The following GDI2 variants were observed in gnomAD, a reference collection of about 807,000 sequenced individuals.
GDI2 encodes the protein rab GDP dissociation inhibitor beta.
GDI2 carries 22 observed loss-of-function variants against 54.2 expected under a neutral mutation model. The ratio of observed to expected loss-of-function variants is 0.41; its 90% CI spans 0.29 to 0.58. GDI2 has a LOEUF of 0.58. Among genes scored for constraint, GDI2 ranks in the 20% least tolerant of loss-of-function variants. The probability of loss-of-function intolerance (pLI) is 0.35; values close to 1 mark genes in which losing one functional copy is unlikely to be tolerated. For synonymous variants in GDI2, 177 were observed against 182.1 expected (o/e 0.97, Z 0.23); for missense variants, 422 against 546.0 (o/e 0.77, Z 2.26).
In GDI2 at chr10:5,768,238, T is replaced by C; in HGVS notation, c.966A>G (p.Pro322=). Residue 322 remains proline (P), a synonymous_variant, in exon 8 of 11, where the codon CCA becomes CCG. Coordinates refer to ENST00000380191, the MANE Select transcript of GDI2 (RefSeq NM_001494.4). The surrounding 1 kb of genome is among the most constrained non-coding windows in gnomAD (Gnocchi z 4.4). ...CTGACTTTCGATTGACTTGGTTCTGTGGAATAATGATCTGGCAGGAGTTGG... is the reference window on the plus strand; with the variant it reads ...CTGACTTTCGATTGACTTGGTTCTGCGGAATAATGATCTGGCAGGAGTTGG... ...NDANSCQIII[P]QNQVNRKSDI... is the part of the protein sequence containing the mutation. 4 of 1,613,470 alleles carry C rather than the reference T, an allele frequency of 2.5e-6. No individual in the cohort carries two copies. The highest frequency in any genetic ancestry group is 2.5e-6 in the Non-Finnish European group (3 of 1,179,364).
In GDI2 at chr10:5,776,780, A is replaced by G; in HGVS notation, c.720-2839T>C. On this transcript the variant is annotated intron_variant, in intron 6 of 10. Coordinates refer to ENST00000380191, the MANE Select transcript of GDI2 (RefSeq NM_001494.4). This position sits in a 1 kb window ranked among gnomAD's most constrained non-coding sequence, Gnocchi z 5.3. The stretch of plus-strand genomic sequence containing the variant: ...GAAAGCCAAGGACATTCCAATCCCC[A>G]ATCTTCCTCCCTTGGATTTTCCATC... 2 of 1,538,490 alleles carry G rather than the reference A, an allele frequency of 1.3e-6. No homozygotes were observed. The highest frequency in any genetic ancestry group is 9.0e-7 in the Non-Finnish European group (1 of 1,116,280).
chr10:5,809,466 T>C (rs1031601468), intron 1 of GDI2, among the ~76,000 whole-genome samples: 1 of 152,214 alleles, frequency 6.6e-6, no homozygotes, highest in African/African-American at 2.4e-5. Context: ...GACTGCTCTC[T>C]GCCTAAAAAA....
chr10:5,809,430 T>TC (rs1249616654), intron 1 of GDI2, among the ~76,000 whole-genome samples: 3 of 152,164 alleles, frequency 2.0e-5, no homozygotes, highest in African/African-American at 7.2e-5. Flanking sequence ...CCTACATACA[T>TC]CCTTGACTTA....
chr10:5,784,755 C>A (rs192669207), intron 6 of GDI2, among the ~76,000 whole-genome samples: 95 of 152,344 alleles, frequency 6.2e-4, no homozygotes, highest in Non-Finnish European at 9.6e-4. Flanking sequence ...TGGAGAGTGT[C>A]TGCAAAGAGT....
intron 4 of GDI2, among the ~76,000 whole-genome samples, chr10:5,789,390 G>A (rs1588978393): frequency 6.6e-6 from 1 of 152,056 alleles, no homozygotes; most frequent in East Asian, 1.9e-4. Context: ...ATGAGCCACA[G>A]TAGCCGGCCA....
At chr10:5,811,960 TAAAAA>T in intron 1 of GDI2, 32 of 664,222 alleles carry the variant, frequency 4.8e-5, no homozygotes, top group Admixed American at 5.3e-5. Flanking sequence ...ATGTTACCTG[TAAAAA>T]AAAAAAAAAA....
intron 7 of GDI2, among the ~76,000 whole-genome samples, chr10:5,771,626 A>C (rs1311510313): frequency 6.8e-6 from 1 of 146,254 alleles, no homozygotes; most frequent in Non-Finnish European, 1.5e-5. Context: ...CTCTACATAG[A>C]CTAAAATCCT....
In GDI2 at chr10:5,766,928, C is replaced by T. The variant is rs1840352819; in HGVS notation, c.992-290G>A. On this transcript the variant is annotated intron_variant, in intron 8 of 10. Coordinates refer to ENST00000380191, the MANE Select transcript of GDI2 (RefSeq NM_001494.4). The surrounding 1 kb of genome is among the most constrained non-coding windows in gnomAD (Gnocchi z 5.8). ...TGTCATACCTAACTAAAAAACCTGC[C>T]AAACCATATTAACTATTCTGGGAGA... Among the ~76,000 whole-genome samples, 1 of 152,166 alleles carries T rather than the reference C, an allele frequency of 6.6e-6. No individual in the cohort carries two copies. The highest frequency in any genetic ancestry group is 1.5e-5 in the Non-Finnish European group (1 of 68,028).
intron 1 of GDI2, among the ~76,000 whole-genome samples, chr10:5,811,442 G>C (rs1457943647): frequency 8.5e-5 from 13 of 152,128 alleles, no homozygotes; most frequent in Admixed American, 8.5e-4. Flanking sequence ...TGATGTGAAC[G>C]AGGCTTGTGG....
intron 5 of GDI2, 23 bp from the exon 6 acceptor site, chr10:5,785,296 T>A (rs750071071): frequency 6.5e-7 from 1 of 1,541,004 alleles, no homozygotes; most frequent in Non-Finnish European, 8.9e-7. Context: ...AAATGAGTAT[T>A]AGGAAAGGGC....
chr10:5,794,172 GAAAAAAA>G lies in GDI2; in HGVS notation c.388+706_388+712del, dbSNP rs1256206663. Among the ~76,000 whole-genome samples, 204 of 27,954 alleles carry G rather than the reference GAAAAAAA, an allele frequency of 7.3e-3. 1 individual carries two copies. Among genetic ancestry groups the G allele is most frequent in the Non-Finnish European group, 0.011 (174 of 15,322 alleles). 18.3% of individuals were successfully genotyped at this position (27,954 alleles called of 152,430 possible). ...ACAGAGCGAGACTCTGTCTTTAAAA[GAAAAAAA>G]AAAAAAAAAATATATATATATATAT... On this transcript the variant is annotated intron_variant, in intron 4 of 10. Coordinates refer to ENST00000380191, the MANE Select transcript of GDI2 (RefSeq NM_001494.4).
chr10:5,776,916 C>A lies in GDI2; in HGVS notation c.720-2975G>T. Reference sequence around the variant, plus strand: ...AGGAAATAATGCGAAAACAGTTAATCCAGCAAAAAAATTAAAAGGGAAAAC... The same window carrying A: ...AGGAAATAATGCGAAAACAGTTAATACAGCAAAAAAATTAAAAGGGAAAAC... On this transcript the variant is annotated intron_variant, in intron 6 of 10. Coordinates refer to ENST00000380191, the MANE Select transcript of GDI2 (RefSeq NM_001494.4). The surrounding 1 kb of genome is among the most constrained non-coding windows in gnomAD (Gnocchi z 5.3). 1.4e-6 allele frequency: 1 copy of A among 717,332 alleles called. No homozygotes were observed. The highest frequency in any genetic ancestry group is 2.2e-6 in the Non-Finnish European group (1 of 449,012). 44.4% of individuals were successfully genotyped at this position (717,332 alleles called of 1,614,324 possible).
At chr10:5,794,826 T>A in intron 4 of GDI2, 59 bp downstream of exon 4, 1 of 1,174,830 alleles carries the variant, frequency 8.5e-7, no homozygotes, top group Non-Finnish European at 1.3e-6. Context: ...TTTTCCAGTA[T>A]AAAATCTCAT....
intron 4 of GDI2, among the ~76,000 whole-genome samples, chr10:5,789,640 CAAAAAAATTAG>C (rs1332876625): frequency 2.0e-5 from 3 of 151,714 alleles, no homozygotes; most frequent in Non-Finnish European, 4.4e-5. Context: ...CTAGAAATAC[CAAAAAAATTAG>C]AAAAAAGTTA....
At chr10:5,767,929 C>T (rs983835980) in intron 8 of GDI2, among the ~76,000 whole-genome samples, 1 of 152,198 alleles carries the variant, frequency 6.6e-6, no homozygotes, top group African/African-American at 2.4e-5. Flanking sequence ...TAAACCTCCA[C>T]AGGAACCTAC....
At chr10:5,772,216 C>A (rs1271925821) in intron 7 of GDI2, among the ~76,000 whole-genome samples, 1 of 152,204 alleles carries the variant, frequency 6.6e-6, no homozygotes, top group African/African-American at 2.4e-5. Context: ...ATGACCCCAA[C>A]CCCACAAAGG....
At chr10:5,803,265 T>C (rs1841308529) in intron 1 of GDI2, among the ~76,000 whole-genome samples, 1 of 151,980 alleles carries the variant, frequency 6.6e-6, no homozygotes, top group South Asian at 2.1e-4. Flanking sequence ...CTGCAAAAAA[T>C]ACAAAAATTA....
intron 2 of GDI2, among the ~76,000 whole-genome samples, chr10:5,797,759 C>G (rs1272162882): frequency 6.6e-6 from 1 of 151,862 alleles, no homozygotes; most frequent in Non-Finnish European, 1.5e-5. Flanking sequence ...ATAAATAAAA[C>G]AAGATTATTT....
At chr10:5,787,322 T>C (rs1336106554) in intron 4 of GDI2, among the ~76,000 whole-genome samples, 1 of 152,144 alleles carries the variant, frequency 6.6e-6, no homozygotes, top group East Asian at 1.9e-4. Context: ...CTGACCAACA[T>C]GGTGAAACCC....
Sources: gnomAD v4.1 joint callset for allele counts (sites outside exome capture counted in the v4.1 genomes callset) on GRCh38, gnomAD v4.1.1 for gene constraint, Gnocchi (gnomAD v3.1) non-coding constraint, MANE v1.5 for transcripts, NCBI Gene and HGNC (gene_info 2026-07-23, HGNC 2026-07-21) for gene names.